BANK1: variants seen among roughly 807,000 people sequenced by gnomAD.
The protein encoded by BANK1 is B-cell scaffold protein with ankyrin repeats.
A neutral mutation model predicts 94.5 loss-of-function variants in BANK1; 95 were observed. The ratio of observed to expected loss-of-function variants is 1.00; its 90% CI spans 0.85 to 1.19. The LOEUF (loss-of-function observed/expected upper bound fraction) is 1.19, where lower values mean the gene tolerates loss of function less well. Among genes scored for constraint, BANK1 ranks in the 50% most tolerant of loss-of-function variants. BANK1 has a pLI of 0.00. For synonymous variants in BANK1, 334 were observed against 308.4 expected (o/e 1.08, Z -0.87); for missense variants, 987 against 932.2 (o/e 1.06, Z -0.77).
At chr4:101,865,241 A>G (rs747352991) in intron 4 of BANK1, among the ~76,000 whole-genome samples, 5 of 152,162 alleles carry the variant, frequency 3.3e-5, no homozygotes, top group Admixed American at 1.3e-4. Flanking sequence ...GTCATTTGAA[A>G]TCTGCTTACC....
intron 11 of BANK1, among the ~76,000 whole-genome samples, chr4:102,047,751 G>A (rs897544974): frequency 1.5e-4 from 23 of 151,928 alleles, no homozygotes; most frequent in Non-Finnish European, 2.5e-4. Context: ...GAGAAATGAC[G>A]AGTATCAAGT....
At chr4:101,920,898 A>G (rs1371886559) in intron 7 of BANK1, among the ~76,000 whole-genome samples, 1 of 151,886 alleles carries the variant, frequency 6.6e-6, no homozygotes, top group Non-Finnish European at 1.5e-5. Flanking sequence ...AAGTGGCACC[A>G]TGTCTTATTG....
At chr4:101,950,018 G>GGTGTGTGTGTGTGTGTGT (rs6148602) in intron 7 of BANK1, among the ~76,000 whole-genome samples, 1 of 149,304 alleles carries the variant, frequency 6.7e-6, no homozygotes, top group African/African-American at 2.5e-5. Context: ...GGAAGTAAGG[G>GGTGTGTGTGTGTGTGTGT]GTGTGTGTGT....
intron 7 of BANK1, chr4:101,977,002 A>G (rs1725156007): frequency 6.6e-6 from 1 of 152,138 alleles, no homozygotes; most frequent in Non-Finnish European, 1.5e-5. Flanking sequence ...TGTGAAAGTC[A>G]TCCAGATTTT....
intron 7 of BANK1, among the ~76,000 whole-genome samples, chr4:101,976,549 A>G (rs1725136550): frequency 6.6e-6 from 1 of 152,186 alleles, no homozygotes; most frequent in Admixed American, 6.5e-5. Flanking sequence ...TGCTTTGAGC[A>G]TTAATATATC....
intron 7 of BANK1, among the ~76,000 whole-genome samples, chr4:101,994,454 C>G (rs1283692387): frequency 1.3e-5 from 2 of 152,138 alleles, no homozygotes. Context: ...GTTTCACCAT[C>G]TGTCTAATGT....
rs972459869 is a variant in BANK1 at position 101,843,760 on chromosome 4, C to CA, written c.470-11265dup. Among the ~76,000 whole-genome samples, 417 of 146,626 alleles carry CA rather than the reference C, an allele frequency of 2.8e-3. 3 individuals are homozygous for CA. The highest frequency in any genetic ancestry group is 8.2e-3 in the African/African-American group (327 of 40,104). ...TGAAACCCCATCTCTACTAAATATA[C>CA]AAAAAAAAAAGATTAGCTGGGCGTG... On this transcript the variant is annotated intron_variant, in intron 2 of 16. Coordinates refer to ENST00000322953, the MANE Select transcript of BANK1 (RefSeq NM_017935.5).
At chr4:101,864,780 A>G (rs1459567883) in intron 4 of BANK1, among the ~76,000 whole-genome samples, 1 of 152,200 alleles carries the variant, frequency 6.6e-6, no homozygotes, top group Non-Finnish European at 1.5e-5. Flanking sequence ...CAGTGATTGA[A>G]CAAAAGAATA....
At chr4:101,793,331 C>CCTA (rs1484538300) in intron 1 of BANK1, among the ~76,000 whole-genome samples, 1 of 152,136 alleles carries the variant, frequency 6.6e-6, no homozygotes, top group East Asian at 1.9e-4. Context: ...AAGGAAATAA[C>CCTA]CTGGTTCCAT....
rs2148880798 is a variant in BANK1, at chr4:101,870,102, C to G, written c.764-403C>G. Among the ~76,000 whole-genome samples, 6 of 151,832 alleles carry G rather than the reference C, an allele frequency of 4.0e-5. No individual in the cohort carries two copies. In the Middle Eastern group the frequency reaches 0.017, roughly 430 times the overall value. On this transcript the variant is annotated intron_variant, in intron 4 of 16. Coordinates refer to ENST00000322953, the MANE Select transcript of BANK1 (RefSeq NM_017935.5). ...AAATTACTATTTTTGAGACACTTGC[C>G]TGTAATTAATTAAATTGTTTTCATA...
chr4:101,997,585 G>A (rs1418341165), intron 7 of BANK1, among the ~76,000 whole-genome samples: 1 of 151,988 alleles, frequency 6.6e-6, no homozygotes. Flanking sequence ...ATTAATTACT[G>A]CCTCAATTTC....
rs751530471 is a variant in BANK1 at position 101,830,194 on chromosome 4, A to G, written c.457A>G (p.Ile153Val). The change falls in exon 2 of 17, where the codon ATC becomes GTC. Residue 153 changes from isoleucine to valine, a missense_variant. By Grantham distance (29) the Ile-to-Val change is conservative. Transcript: ENST00000322953. ...PEDYISVIQS[I>V]IFKDSEDYFE... ...AGACTACATCTCTGTAATCCAGAGT[A>G]TCATATTCAAAGGTAGTGTTGCCAA... 3.1e-5 allele frequency: 46 copies of G among 1,500,000 alleles called. No individual in the cohort carries two copies. Among genetic ancestry groups the G allele is most frequent in the Non-Finnish European group, 3.7e-5 (42 of 1,127,684 alleles). The allele number at this position is 1,500,000 out of a possible 1,614,324, so 92.9% of individuals were successfully genotyped here.
intron 5 of BANK1, among the ~76,000 whole-genome samples, chr4:101,878,084 G>A (rs527816553): frequency 1.3e-5 from 2 of 152,086 alleles, no homozygotes; most frequent in East Asian, 1.9e-4. Flanking sequence ...TATCAAAATA[G>A]CAGGATTAAG....
chr4:101,924,175 G>C (rs1578401048), intron 7 of BANK1, among the ~76,000 whole-genome samples: 1 of 151,682 alleles, frequency 6.6e-6, no homozygotes, highest in Non-Finnish European at 1.5e-5. Flanking sequence ...TAGAAAAACT[G>C]TCCTTAGGCT....
chr4:101,919,610 T>C (rs1474057357), intron 7 of BANK1, among the ~76,000 whole-genome samples: 2 of 152,022 alleles, frequency 1.3e-5, no homozygotes, highest in Non-Finnish European at 2.9e-5. Context: ...GACAATCACT[T>C]TTTCGTAGTC....
intron 13 of BANK1, among the ~76,000 whole-genome samples, chr4:102,063,739 C>A (rs993211971): frequency 1.3e-5 from 2 of 151,300 alleles, no homozygotes; most frequent in Admixed American, 1.3e-4. Flanking sequence ...GGAGAACCCC[C>A]CCGGAAGGCA....
chr4:101,979,083 G>A (rs1725237138), intron 7 of BANK1, among the ~76,000 whole-genome samples: 2 of 151,874 alleles, frequency 1.3e-5, no homozygotes, highest in South Asian at 4.1e-4. Flanking sequence ...CAAATGTTAG[G>A]CACAATCCAT....
At chr4:102,028,978 G>T (rs1172471957) in intron 9 of BANK1, among the ~76,000 whole-genome samples, 1 of 151,596 alleles carries the variant, frequency 6.6e-6, no homozygotes, top group East Asian at 1.9e-4. Context: ...GCAATGGCAT[G>T]CCTATAGCTC....
chr4:102,043,459 AT>A, intron 10 of BANK1, among the ~76,000 whole-genome samples: 1 of 152,196 alleles, frequency 6.6e-6, no homozygotes, highest in East Asian at 1.9e-4. Flanking sequence ...ATCCTTGCTT[AT>A]CATCAAAAAG....
Sources: allele counts gnomAD v4.1 joint callset (sites outside exome capture counted in the v4.1 genomes callset), GRCh38; gene constraint gnomAD v4.1.1; transcripts MANE v1.5; gene names NCBI Gene and HGNC (gene_info 2026-07-23, HGNC 2026-07-21).